The following CA10 variants were observed in gnomAD, a reference collection of about 807,000 sequenced individuals.
CA10 encodes carbonic anhydrase-related protein 10.
A neutral mutation model predicts 44.2 loss-of-function variants in CA10; 14 were observed. The ratio of observed to expected loss-of-function variants is 0.32; its 90% confidence interval spans 0.21 to 0.50. The LOEUF is 0.50. Ranked by LOEUF, CA10 falls within the 20% of genes least tolerant of loss-of-function variation. CA10 has a pLI of 0.99. For missense variants in CA10, 350 were observed against 409.7 expected (o/e 0.85, Z 1.26); for synonymous variants, 159 against 141.6 (o/e 1.12, Z -0.87).
chr17:51,697,647 A>T (rs1465772162), intron 4 of CA10, among the ~76,000 whole-genome samples: 1 of 152,236 alleles, frequency 6.6e-6, no homozygotes, highest in Non-Finnish European at 1.5e-5. Context: ...AATGTAAGCC[A>T]TATGAGGGCC....
intron 3 of CA10, among the ~76,000 whole-genome samples, chr17:51,755,703 T>A (rs1366880101): frequency 6.6e-6 from 1 of 152,218 alleles, no homozygotes; most frequent in African/African-American, 2.4e-5. Flanking sequence ...GGAGGACACC[T>A]ACTAATTGGA....
chr17:51,944,031 C>T (rs1024064407), intron 2 of CA10, among the ~76,000 whole-genome samples: 1 of 152,116 alleles, frequency 6.6e-6, no homozygotes, highest in Non-Finnish European at 1.5e-5. Context: ...TTTTCTCCAC[C>T]TTTTGTTCTA....
intron 4 of CA10, among the ~76,000 whole-genome samples, chr17:51,716,276 C>G (rs1183372158): frequency 3.9e-5 from 6 of 152,090 alleles, no homozygotes; most frequent in Admixed American, 3.3e-4. Context: ...ATTATAGACT[C>G]TTTAATCATT....
intron 4 of CA10, among the ~76,000 whole-genome samples, chr17:51,714,469 C>T (rs1258367252): frequency 2.6e-5 from 4 of 152,152 alleles, no homozygotes; most frequent in Non-Finnish European, 5.9e-5. Flanking sequence ...AAAATAATTT[C>T]CTTCCTCCCT....
intron 3 of CA10, among the ~76,000 whole-genome samples, chr17:51,778,028 A>G (rs1385214639): frequency 6.6e-6 from 1 of 152,144 alleles, no homozygotes; most frequent in African/African-American, 2.4e-5. Context: ...CACTCCCCTC[A>G]GTTTAGATAG....
intron 2 of CA10, among the ~76,000 whole-genome samples, chr17:51,949,244 T>A (rs1157574468): frequency 6.6e-6 from 1 of 152,196 alleles, no homozygotes; most frequent in Admixed American, 6.5e-5. Flanking sequence ...ATTTATATAA[T>A]ATGTGTAATT....
rs74676930 is a variant in CA10, at chr17:51,929,874, G to A, written c.279+1116C>T. On this transcript the variant is annotated intron_variant, in intron 3 of 8. Transcript: ENST00000451037. ...ACCTTTCCACAAAAATGCTTCTCAA[G>A]TCATATTTAAAACAGTACACAAATA... Among the ~76,000 whole-genome samples the A allele has an allele frequency of 3.3e-3, 503 of 152,206 alleles. 3 individuals are homozygous for A. The highest frequency in any genetic ancestry group is 0.012 in the African/African-American group (490 of 41,554).
At chr17:51,658,428 A>G (rs1913881509) in intron 4 of CA10, among the ~76,000 whole-genome samples, 1 of 152,210 alleles carries the variant, frequency 6.6e-6, no homozygotes, top group Admixed American at 6.5e-5. Context: ...GGGGGCGAGG[A>G]TGCAGAAGTG....
intron 6 of CA10, among the ~76,000 whole-genome samples, chr17:51,638,434 T>C (rs1912929673): frequency 6.6e-6 from 1 of 152,206 alleles, no homozygotes. Context: ...AACGAGGACA[T>C]GCTCGAGAGA....
chr17:51,725,936 A>G (rs1916503496), intron 4 of CA10, among the ~76,000 whole-genome samples: 1 of 151,796 alleles, frequency 6.6e-6, no homozygotes, highest in Non-Finnish European at 1.5e-5. Flanking sequence ...GTGAAGTGTA[A>G]TGAGAACACA....
chr17:51,733,731 G>T (rs1916798927), intron 4 of CA10, among the ~76,000 whole-genome samples: 2 of 152,164 alleles, frequency 1.3e-5, no homozygotes, highest in Admixed American at 1.3e-4. Flanking sequence ...ATTCACGGAG[G>T]AGTTGGAGGT....
chr17:51,898,753 C>T (rs1475953900), intron 3 of CA10, among the ~76,000 whole-genome samples: 1 of 151,998 alleles, frequency 6.6e-6, no homozygotes, highest in Non-Finnish European at 1.5e-5. Flanking sequence ...TTCAGGTATT[C>T]AGTTTCTTTC....
chr17:51,986,240 A>G (rs1318517065), intron 2 of CA10, among the ~76,000 whole-genome samples: 1 of 152,068 alleles, frequency 6.6e-6, no homozygotes, highest in Non-Finnish European at 1.5e-5. Context: ...AAAGCAAACA[A>G]AAACAAAGTA....
At chr17:51,989,847 C>G (rs1254312669) in intron 2 of CA10, among the ~76,000 whole-genome samples, 1 of 152,118 alleles carries the variant, frequency 6.6e-6, no homozygotes, top group Non-Finnish European at 1.5e-5. Context: ...CTGCTGTAAT[C>G]CTCTCTTCAT....
intron 3 of CA10, among the ~76,000 whole-genome samples, chr17:51,773,877 G>A (rs907426529): frequency 2.6e-5 from 4 of 152,088 alleles, no homozygotes; most frequent in Non-Finnish European, 4.4e-5. Flanking sequence ...AAGTTGGCTC[G>A]GTTGCTGGTA....
intron 2 of CA10, among the ~76,000 whole-genome samples, chr17:52,017,013 C>A (rs571448623): frequency 1.7e-4 from 26 of 152,266 alleles, no homozygotes; most frequent in African/African-American, 6.3e-4. Flanking sequence ...TGTCTTCCAA[C>A]ATGATTGGAA....
At position 51,775,386 on chromosome 17, in the gene CA10, C is replaced by G. The variant is rs545793560; in HGVS notation, c.280-27568G>C. The stretch of plus-strand genomic sequence containing the variant: ...GATCCCCTACACAGTTTTCATCATC[C>G]ATAAAGCTAACGTTTTGGCTTTCAC... On this transcript the variant is annotated intron_variant, in intron 3 of 8. Coordinates refer to ENST00000451037, the MANE Select transcript of CA10 (RefSeq NM_020178.5). Among the ~76,000 whole-genome samples, 37 of 152,262 alleles carry G rather than the reference C, an allele frequency of 2.4e-4. No individual in the cohort carries two copies. In the South Asian group the frequency reaches 7.7e-3, roughly 32 times the overall value.
chr17:51,984,008 T>A (rs1166051393), intron 2 of CA10, among the ~76,000 whole-genome samples: 3 of 151,836 alleles, frequency 2.0e-5, no homozygotes, highest in African/African-American at 4.8e-5. Flanking sequence ...TTGAATAGTA[T>A]AACTATCATT....
chr17:51,730,571 C>T (rs1241050729), intron 4 of CA10, among the ~76,000 whole-genome samples: 1 of 152,124 alleles, frequency 6.6e-6, no homozygotes, highest in Non-Finnish European at 1.5e-5. Flanking sequence ...TAAACCCTGA[C>T]CCCAGCTCTG....
Sources: gnomAD v4.1 joint callset for allele counts (sites outside exome capture counted in the v4.1 genomes callset) on GRCh38, gnomAD v4.1.1 for gene constraint, MANE v1.5 for transcripts, NCBI Gene and HGNC (gene_info 2026-07-23, HGNC 2026-07-21) for gene names.